INF2: variants seen among roughly 807,000 people sequenced by gnomAD.
INF2 encodes inverted formin-2.
Under a neutral mutation model 123.5 loss-of-function variants are expected in INF2, and 43 were observed. That is an observed-to-expected ratio of 0.35 (90% confidence interval 0.27 to 0.45). The LOEUF (loss-of-function observed/expected upper bound fraction) is 0.45. Ranked by LOEUF, INF2 falls within the 20% of genes least tolerant of loss-of-function variation. The pLI, the probability that INF2 is intolerant of heterozygous loss-of-function variation, is 1.00. For synonymous variants in INF2, 851 were observed against 745.0 expected (o/e 1.14, Z -2.32); for missense variants, 1,453 against 1,682.7 (o/e 0.86, Z 2.39).
rs1243245782 is a variant in INF2, at chr14:104,720,516, G to C, written c.*1723G>C. On this transcript the variant is annotated 3_prime_UTR_variant, in exon 23 of 23. Coordinates refer to ENST00000392634, the MANE Select transcript of INF2 (RefSeq NM_022489.4). Reference sequence around the variant, plus strand: ...CTGCTGTGGACATCTGCGTAGTCTCGTGTGGATGCTGCTGTGAACGTCTGC... The same window carrying C: ...CTGCTGTGGACATCTGCGTAGTCTCCTGTGGATGCTGCTGTGAACGTCTGC... 3.8e-5 allele frequency: 2 copies of C among 53,228 alleles called. 1 individual carries two copies. The highest frequency in any genetic ancestry group is 6.0e-5 in the Non-Finnish European group (2 of 33,112). 3.3% of individuals were successfully genotyped at this position (53,228 alleles called of 1,614,324 possible). A position where few individuals can be genotyped will look rare whatever the true frequency, so the allele number is the denominator to read the frequency against.
At chr14:104,681,849 G>A (rs1888530323) in intron 1 of INF2, among the ~76,000 whole-genome samples, 1 of 152,252 alleles carries the variant, frequency 6.6e-6, no homozygotes, top group Non-Finnish European at 1.5e-5. Context: ...ACCCGGCCTG[G>A]ACGTTGAAGT....
At chr14:104,698,131 G>A (rs574761658) in intron 1 of INF2, among the ~76,000 whole-genome samples, 68 of 152,390 alleles carry the variant, frequency 4.5e-4, no homozygotes, top group African/African-American at 1.6e-3. Context: ...CTGCGCTGGT[G>A]GCCCCGCCAA....
At position 104,713,459 on chromosome 14, in the gene INF2, G is replaced by T. The variant is rs370783381; in HGVS notation, c.2893G>T (p.Gly965Trp). The T allele has an allele frequency of 6.8e-6, 11 of 1,610,770 alleles. No individual in the cohort carries two copies. The African/African-American group carries it at 1.5e-4, about 22-fold the overall frequency. ...ACGCTCCTCAGTCAGGAAGGGGCCCGGGAAGCAGGAGGAGGTGTGTGTCAT... is the reference window on the plus strand; with the variant it reads ...ACGCTCCTCAGTCAGGAAGGGGCCCTGGAAGCAGGAGGAGGTGTGTGTCAT... Reference protein sequence around the residue: ...EDGKPVRKGPGKQEEVCVIDA... With the variant: ...EDGKPVRKGPWKQEEVCVIDA... The change falls in exon 20 of 23, where the codon GGG (glycine) becomes TGG (tryptophan). Residue 965 changes from glycine to tryptophan, a missense_variant. Coordinates refer to ENST00000392634, the MANE Select transcript of INF2 (RefSeq NM_022489.4).
intron 1 of INF2, among the ~76,000 whole-genome samples, chr14:104,690,988 C>A (rs1249426422): frequency 6.6e-6 from 1 of 151,984 alleles, no homozygotes; most frequent in African/African-American, 2.4e-5. Context: ...CAGGTTGGTG[C>A]AGTGGGCCCT....
chr14:104,713,140 C>G, intron 18 of INF2, 67 bp from the exon 19 acceptor site: 1 of 1,594,854 alleles, frequency 6.3e-7, no homozygotes, highest in Non-Finnish European at 8.5e-7. Flanking sequence ...GGGAGGGGGA[C>G]GCCCAGGCCC....
intron 1 of INF2, among the ~76,000 whole-genome samples, chr14:104,692,710 G>A (rs1889013806): frequency 2.6e-5 from 4 of 152,306 alleles, no homozygotes; most frequent in Admixed American, 1.3e-4. Flanking sequence ...CCAGCCAGTC[G>A]GCCTGGGTCA....
At position 104,714,322 on chromosome 14, in the gene INF2, AC is replaced by A; in HGVS notation, c.3165del (p.Gly1056AlafsTer31). On this transcript the variant is annotated frameshift_variant, in exon 21 of 23. Transcript: ENST00000392634. LOFTEE classifies it high-confidence loss of function. ...GGGCTGGGACCTTGTAGACGCCGTG[AC>A]CCCCGGCCCTCAGCCCACCCTGGAG... ...SRGWDLVDAV[T>X]PGPQPTLEQL... The A allele has an allele frequency of 1.9e-6, 3 of 1,589,850 alleles. No homozygotes were observed. The highest frequency in any genetic ancestry group is 3.5e-5 in the Admixed American group (2 of 56,638).
chr14:104,689,587 T>TGCTACCCCCCCC, upstream of INF2: 1 of 851,068 alleles, frequency 1.2e-6, no homozygotes, highest in Non-Finnish European at 1.4e-6. Flanking sequence ...CACCTCCTCT[T>TGCTACCCCCCCC]CCTCCCGCCC....
At chr14:104,712,620 G>A in intron 17 of INF2, 67 bp downstream of exon 17, 1 of 1,606,394 alleles carries the variant, frequency 6.2e-7, no homozygotes, top group East Asian at 2.2e-5. Context: ...TGGGCGAGTG[G>A]CTGTGCTGTC....
rs368730748 is a variant in INF2 at position 104,718,760 on chromosome 14, G to T, written c.*2-35G>T. 9.3e-6 allele frequency: 15 copies of T among 1,611,230 alleles called. No homozygotes were observed. The African/African-American group carries it at 2.0e-4, about 22-fold the overall frequency. Reference sequence around the variant, plus strand: ...ACCTGATATTGTACCCAGCAAAACTGCTCCTAATAATGTCATTTTTTCTCT... The same window carrying T: ...ACCTGATATTGTACCCAGCAAAACTTCTCCTAATAATGTCATTTTTTCTCT... On this transcript the variant is annotated intron_variant, in intron 22 of 22. Transcript: ENST00000392634.
chr14:104,692,410 C>T (rs1481892541), intron 1 of INF2, among the ~76,000 whole-genome samples: 1 of 152,176 alleles, frequency 6.6e-6, no homozygotes, highest in Non-Finnish European at 1.5e-5. Context: ...CAGGCAGGTG[C>T]AGGGCACTTA....
At chr14:104,715,907 G>T (rs566055043) in intron 22 of INF2, 5 of 456,368 alleles carry the variant, frequency 1.1e-5, no homozygotes, top group Non-Finnish European at 2.2e-5. Flanking sequence ...CCCCCCTCCT[G>T]TTGGACAGTG....
Position 104,713,379 on chromosome 14 carries a change from C to G in INF2, c.2879-66C>G, listed in dbSNP as rs993897012. On this transcript the variant is annotated intron_variant, in intron 19 of 22. Coordinates refer to ENST00000392634, the MANE Select transcript of INF2 (RefSeq NM_022489.4). ...CTTGTCTGTGCTCCAGCCTCCCCAC[C>G]ACCCCCAGCCCTCTAGGTGGGCTCC... is the stretch of plus-strand genomic sequence containing the variant. 4.6e-5 allele frequency: 73 copies of G among 1,570,518 alleles called. No individual in the cohort carries two copies. In the African/African-American group the frequency reaches 6.2e-4, roughly 13 times the overall value.
chr14:104,697,886 C>CGG (rs200159815), intron 1 of INF2, among the ~76,000 whole-genome samples: 22 of 148,114 alleles, frequency 1.5e-4, no homozygotes, highest in African/African-American at 5.4e-4. Context: ...TGGTGGACTG[C>CGG]CGGGGGGGGT....
upstream of INF2, chr14:104,689,590 T>TGCCCCCCCCCCCCCCC: frequency 1.5e-6 from 1 of 646,936 alleles, no homozygotes; most frequent in Non-Finnish European, 1.9e-6. Flanking sequence ...CTCCTCTTCC[T>TGCCCCCCCCCCCCCCC]CCCGCCCGCC....
At chr14:104,716,848 G>A (rs1483091785) in intron 22 of INF2, among the ~76,000 whole-genome samples, 3 of 152,074 alleles carry the variant, frequency 2.0e-5, no homozygotes, top group East Asian at 1.9e-4. Flanking sequence ...ACGCCACCAC[G>A]CGCGGCTAAT....
intron 22 of INF2, 93 bp downstream of exon 22, chr14:104,715,433 C>G: frequency 8.4e-7 from 1 of 1,190,836 alleles, no homozygotes; most frequent in South Asian, 1.2e-5. Flanking sequence ...GGACACTAAC[C>G]TGGCTTCTCT....
intron 1 of INF2, among the ~76,000 whole-genome samples, chr14:104,694,074 G>T (rs538111581): frequency 6.6e-6 from 1 of 152,364 alleles, no homozygotes; most frequent in Non-Finnish European, 1.5e-5. Context: ...CCCCCCGGCT[G>T]CCCCTTCCCT....
At position 104,706,165 on chromosome 14, in the gene INF2, C is replaced by G. The variant is rs1889771219; in HGVS notation, c.832C>G (p.Leu278Val). 1 of 1,584,062 alleles carries G rather than the reference C, an allele frequency of 6.3e-7. No individual in the cohort carries two copies. The change falls in exon 6 of 23, where the codon CTG (leucine) becomes GTG (valine). Residue 278 changes from leucine (L) to valine (V), a missense_variant. Transcript: ENST00000392634. Reference protein sequence around the residue: ...MSSHQEVFASLFHKVSCSPVS... With the variant: ...MSSHQEVFASVFHKVSCSPVS... ...CAGCCACCAGGAGGTCTTTGCCTCC[C>G]TGTTCCACAAGGTGGGCTGGGGGCT...
Sources: gnomAD v4.1 joint callset for allele counts (sites outside exome capture counted in the v4.1 genomes callset) on GRCh38, gnomAD v4.1.1 for gene constraint, MANE v1.5 for transcripts, NCBI Gene and HGNC (gene_info 2026-07-23, HGNC 2026-07-21) for gene names.